Variants in SPATA6 observed in about 807,000 individuals in gnomAD.
SPATA6 encodes spermatogenesis associated 6.
A neutral mutation model predicts 65.3 loss-of-function variants in SPATA6; 56 were observed. The ratio of observed to expected loss-of-function variants is 0.86; its 90% CI spans 0.69 to 1.07. The LOEUF (loss-of-function observed/expected upper bound fraction) is 1.07, where lower values mean the gene tolerates loss of function less well. SPATA6 is among the 50% of genes least tolerant of loss of function. The pLI is 0.00. For synonymous variants in SPATA6, 199 were observed against 213.2 expected, an observed-to-expected ratio of 0.93 and a Z score of 0.58; for missense variants, 590 against 594.8, an observed-to-expected ratio of 0.99 and a Z score of 0.08.
chr1:48,439,144 A>C (rs1655219925), intron 3 of SPATA6, among the ~76,000 whole-genome samples: 3 of 152,160 alleles, frequency 2.0e-5, no homozygotes, highest in Non-Finnish European at 4.4e-5. Context: ...GAGAACACTT[A>C]GGACTCTAAC....
At chr1:48,308,969 T>C (rs1391921887) in intron 11 of SPATA6, among the ~76,000 whole-genome samples, 3 of 152,152 alleles carry the variant, frequency 2.0e-5, no homozygotes, top group Admixed American at 6.5e-5. Context: ...CACTGTAGCC[T>C]TGAACTCCTG....
chr1:48,437,179 G>C (rs1655016953), intron 3 of SPATA6: 1 of 1,611,554 alleles, frequency 6.2e-7, no homozygotes, highest in African/African-American at 1.3e-5. Flanking sequence ...GACTGAGCCA[G>C]AATGTGATTT....
At chr1:48,457,289 G>A (rs1464581901) in intron 1 of SPATA6, among the ~76,000 whole-genome samples, 2 of 151,854 alleles carry the variant, frequency 1.3e-5, no homozygotes, top group East Asian at 3.9e-4. Flanking sequence ...AAAATTAGCT[G>A]GGCATGGTGG....
chr1:48,342,685 T>C (rs1284162645), intron 11 of SPATA6, among the ~76,000 whole-genome samples: 1 of 151,962 alleles, frequency 6.6e-6, no homozygotes, highest in Admixed American at 6.6e-5. Context: ...ATTTATATTT[T>C]GTGAGATATT....
At chr1:48,315,827 G>C (rs564394475) in intron 11 of SPATA6, among the ~76,000 whole-genome samples, 1 of 152,282 alleles carries the variant, frequency 6.6e-6, no homozygotes, top group Non-Finnish European at 1.5e-5. Context: ...AAGCTGATAA[G>C]CAACGTCAGC....
At chr1:48,294,438 A>C (rs975646457), downstream of SPATA6, among the ~76,000 whole-genome samples, 6 of 152,182 alleles carry the variant, frequency 3.9e-5, no homozygotes, top group Non-Finnish European at 1.5e-5. Context: ...AGCCTCCTTA[A>C]TTAGCAAAAC....
chr1:48,283,676 C>T, the SPATA6 span, among the ~76,000 whole-genome samples: 2 of 1,440 alleles, frequency 1.4e-3, no homozygotes, highest in African/African-American at 2.6e-3. Flanking sequence ...AAGACTCCGT[C>T]TCAAAAAAAA....
Position 48,465,935 on chromosome 1 carries a change from T to C in SPATA6, c.51+6023A>G, listed in dbSNP as rs547809780. ...GATAATTGATTATCAACTGCTATTA[T>C]GTTATTAACCTCCAGTAATTATAAA... On this transcript the variant is annotated intron_variant, in intron 1 of 12. Coordinates refer to ENST00000371847, the MANE Select transcript of SPATA6 (RefSeq NM_019073.4). Among the ~76,000 whole-genome samples the C allele has an allele frequency of 4.6e-5, 7 of 152,320 alleles. No homozygotes were observed. The South Asian group carries it at 1.0e-3, about 23-fold the overall frequency.
intron 12 of SPATA6, among the ~76,000 whole-genome samples, chr1:48,299,323 G>C (rs1174068515): frequency 1.3e-5 from 2 of 151,712 alleles, no homozygotes; most frequent in African/African-American, 4.8e-5. Flanking sequence ...AGACTAGCCA[G>C]ACCAACATGG....
intron 11 of SPATA6, among the ~76,000 whole-genome samples, chr1:48,306,165 G>A (rs1645057426): frequency 6.6e-6 from 1 of 151,912 alleles, no homozygotes; most frequent in Non-Finnish European, 1.5e-5. Flanking sequence ...TGAATCCTGT[G>A]TCATGATATG....
the SPATA6 span, among the ~76,000 whole-genome samples, chr1:48,266,728 C>A: frequency 6.6e-6 from 1 of 152,142 alleles, no homozygotes; most frequent in Non-Finnish European, 1.5e-5. Flanking sequence ...CAATTCCCCT[C>A]CAGGTTTCCA....
intron 11 of SPATA6, among the ~76,000 whole-genome samples, chr1:48,324,452 C>T (rs1645695666): frequency 6.6e-6 from 1 of 152,056 alleles, no homozygotes; most frequent in Non-Finnish European, 1.5e-5. Context: ...TAGCAAAATA[C>T]TAGCAAATCG....
chr1:48,450,854 T>C (rs1454166305), intron 3 of SPATA6, among the ~76,000 whole-genome samples: 1 of 152,198 alleles, frequency 6.6e-6, no homozygotes, highest in Non-Finnish European at 1.5e-5. Flanking sequence ...TAATAATGAT[T>C]ATGCTCAATT....
At chr1:48,265,603 A>C in the SPATA6 span, among the ~76,000 whole-genome samples, 3 of 152,162 alleles carry the variant, frequency 2.0e-5, no homozygotes, top group South Asian at 6.2e-4. Flanking sequence ...TAAAATCAGA[A>C]AAAAAGTCCC....
chr1:48,305,202 C>T (rs968731825), intron 12 of SPATA6, among the ~76,000 whole-genome samples: 1 of 152,150 alleles, frequency 6.6e-6, no homozygotes, highest in Non-Finnish European at 1.5e-5. Context: ...AGCTTTGTTT[C>T]TTATGTTTGT....
At chr1:48,335,387 C>G (rs1646032031) in intron 11 of SPATA6, among the ~76,000 whole-genome samples, 1 of 150,304 alleles carries the variant, frequency 6.7e-6, no homozygotes, top group Admixed American at 6.6e-5. Flanking sequence ...TGACCTCAAA[C>G]CATACTACAA....
the SPATA6 span, among the ~76,000 whole-genome samples, chr1:48,276,135 G>T: frequency 1.3e-5 from 2 of 152,094 alleles, no homozygotes; most frequent in Non-Finnish European, 2.9e-5. Context: ...GGTGTTTATA[G>T]TATTATTCTC....
At chr1:48,293,181 G>T (rs539143597), downstream of SPATA6, among the ~76,000 whole-genome samples, 8 of 152,212 alleles carry the variant, frequency 5.3e-5, no homozygotes, top group South Asian at 1.5e-3. Flanking sequence ...GATTTGAGTG[G>T]GATAAAACCA....
the SPATA6 span, among the ~76,000 whole-genome samples, chr1:48,271,698 G>A: frequency 6.6e-6 from 1 of 152,144 alleles, no homozygotes; most frequent in Non-Finnish European, 1.5e-5. Context: ...GCCATGGGAT[G>A]CAGAGGTAAA....
Sources: allele counts gnomAD v4.1 joint callset (sites outside exome capture counted in the v4.1 genomes callset), GRCh38; gene constraint gnomAD v4.1.1; transcripts MANE v1.5; gene names NCBI Gene and HGNC (gene_info 2026-07-23, HGNC 2026-07-21).